Variants in GOLGA8J observed in about 807,000 individuals in gnomAD.
GOLGA8J encodes golgin subfamily A member 8J.
Under a neutral mutation model 67.7 loss-of-function variants are expected in GOLGA8J, and 19 were observed. That is an observed-to-expected ratio of 0.28 (90% CI 0.20 to 0.41). The LOEUF (loss-of-function observed/expected upper bound fraction) is 0.41. Ranked by LOEUF, GOLGA8J falls within the 10% of genes least tolerant of loss-of-function variation. GOLGA8J has a pLI of 1.00. For synonymous variants in GOLGA8J, 69 were observed against 215.9 expected, an observed-to-expected ratio of 0.32 and a Z score of 5.97; for missense variants, 205 against 584.3, an observed-to-expected ratio of 0.35 and a Z score of 6.69.
In GOLGA8J at chr15:30,094,575, A is replaced by G. The variant is rs1191194974; in HGVS notation, c.*1076A>G. 1.6e-5 allele frequency among the ~76,000 whole-genome samples: 2 copies of G among 126,840 alleles called. No individual in the cohort carries two copies. The highest frequency in any genetic ancestry group is 3.0e-5 in the Non-Finnish European group (2 of 66,110). The allele number at this position is 126,840 out of a possible 152,430, so 83.2% of individuals were successfully genotyped here. A position where few individuals can be genotyped will look rare whatever the true frequency, so the allele number is the denominator to read the frequency against. The stretch of plus-strand genomic sequence containing the variant: ...GCATACAGGCTCTAGTCAAGAATGA[A>G]TTAGAGTGAAGGAAAGCTGTGTGAC... On this transcript the variant is annotated 3_prime_UTR_variant, in exon 19 of 19. Transcript: ENST00000567927.
chr15:30,090,686 C>CA (rs71270989), intron 13 of GOLGA8J, among the ~76,000 whole-genome samples: 3,787 of 59,364 alleles, frequency 0.064, 176 homozygotes, highest in Non-Finnish European at 0.077. Flanking sequence ...ACTAAAATTA[C>CA]AAAAAAAAAA....
rs2057372719 is a variant in GOLGA8J at position 30,089,434 on chromosome 15, A to C, written c.874+111A>C. ...GATGGAAGGGCTTTGAGGCAGAGGG[A>C]AAGAGATCTGTGCCAGGAGACGGCG... is the stretch of plus-strand genomic sequence containing the variant. On this transcript the variant is annotated intron_variant, in intron 11 of 18. Transcript: ENST00000567927. 1.4e-5 allele frequency: 8 copies of C among 567,004 alleles called. No individual in the cohort carries two copies. The South Asian group carries it at 1.6e-4, about 12-fold the overall frequency. The allele number at this position is 567,004 out of a possible 1,614,324, so 35.1% of individuals were successfully genotyped here.
At chr15:30,090,170 C>G in intron 12 of GOLGA8J, 42 bp from the exon 13 acceptor site, 1 of 989,912 alleles carries the variant, frequency 1.0e-6, no homozygotes, top group Admixed American at 2.1e-5. Flanking sequence ...TCTGGGGTCT[C>G]CAGCTGCAGT....
chr15:30,089,991 C>T (rs1459075493), intron 12 of GOLGA8J, 35 bp downstream of exon 12: 5 of 1,464,876 alleles, frequency 3.4e-6, no homozygotes, highest in Non-Finnish European at 4.5e-6. Context: ...TGCCCTCCTC[C>T]CTAGACCTCC....
intron 11 of GOLGA8J, among the ~76,000 whole-genome samples, 152 bp downstream of exon 11, chr15:30,089,475 A>G (rs1368095566): frequency 1.5e-5 from 2 of 132,522 alleles, no homozygotes; most frequent in African/African-American, 6.7e-5. Flanking sequence ...TGTCATCTCA[A>G]TGAGTCTCAG....
chr15:30,088,054 T>TGTGTGTGTGC (rs2057354893), intron 8 of GOLGA8J: 1 of 194,244 alleles, frequency 5.1e-6, no homozygotes, highest in African/African-American at 4.5e-5. Context: ...CGTGTGTGCG[T>TGTGTGTGTGC]GTGTGTGTGT....
chr15:30,090,454 G>T (rs1036753470), intron 13 of GOLGA8J, among the ~76,000 whole-genome samples, 174 bp downstream of exon 13: 1 of 148,404 alleles, frequency 6.7e-6, no homozygotes. Context: ...GACTTTTAAA[G>T]GTGGGTAGCC....
rs371047363 is a variant in GOLGA8J at position 30,084,952 on chromosome 15, G to C, written c.168+62G>C. 5.4e-6 allele frequency: 8 copies of C among 1,488,496 alleles called. No individual in the cohort carries two copies. The East Asian group carries it at 9.4e-5, about 17-fold the overall frequency. The allele number at this position is 1,488,496 out of a possible 1,614,324, so 92.2% of individuals were successfully genotyped here. On this transcript the variant is annotated intron_variant, in intron 2 of 18. Coordinates refer to ENST00000567927, the MANE Select transcript of GOLGA8J (RefSeq NM_001282472.2). ...GCCCAAGGGGCAGTAGAGGGTAATTGTTAAGATTGTGGATGGACTGCTGGG... is the reference window on the plus strand; with the variant it reads ...GCCCAAGGGGCAGTAGAGGGTAATTCTTAAGATTGTGGATGGACTGCTGGG...
intron 11 of GOLGA8J, among the ~76,000 whole-genome samples, 153 bp from the exon 12 acceptor site, chr15:30,089,547 T>C (rs1158881361): frequency 1.5e-5 from 2 of 137,340 alleles, no homozygotes; most frequent in African/African-American, 3.1e-5. Flanking sequence ...GCTCTTTCTC[T>C]GAAAGTGCTT....
chr15:30,090,430 T>G lies in GOLGA8J; in HGVS notation c.1200+150T>G, dbSNP rs1486310607. 45 of 1,509,860 alleles carry G rather than the reference T, an allele frequency of 3.0e-5. 5 individuals are homozygous for G. The highest frequency in any genetic ancestry group is 3.8e-5 in the Non-Finnish European group (43 of 1,127,736). 93.5% of individuals were successfully genotyped at this position (1,509,860 alleles called of 1,614,324 possible). A position where few individuals can be genotyped will look rare whatever the true frequency, so the allele number is the denominator to read the frequency against. On this transcript the variant is annotated intron_variant, in intron 13 of 18. Transcript: ENST00000567927. ...CCAGGGCAGTCCTGTGACTGTTTCT[T>G]GCTTCCTGCCTCTGACTTTTAAAGG... is the stretch of plus-strand genomic sequence containing the variant.
chr15:30,096,403 T>TA lies in GOLGA8J; in HGVS notation c.*2910dup, dbSNP rs1420993729. On this transcript the variant is annotated 3_prime_UTR_variant, in exon 19 of 19. Coordinates refer to ENST00000567927, the MANE Select transcript of GOLGA8J (RefSeq NM_001282472.2). ...AGTCATTTTAAAATAATATAACTAT[T>TA]AAAAAATGTAACTGCTATCTTAATG... Among the ~76,000 whole-genome samples the TA allele has an allele frequency of 6.7e-6, 1 of 150,140 alleles. No homozygotes were observed. The highest frequency in any genetic ancestry group is 1.5e-5 in the Non-Finnish European group (1 of 67,844).
chr15:30,095,935 CTT>C lies in GOLGA8J; in HGVS notation c.*2438_*2439del, dbSNP rs2057462604. Among the ~76,000 whole-genome samples, 1 of 121,082 alleles carries C rather than the reference CTT, an allele frequency of 8.3e-6. No individual in the cohort carries two copies. Among genetic ancestry groups the C allele is most frequent in the South Asian group, 2.4e-4 (1 of 4,092 alleles). The allele number at this position is 121,082 out of a possible 152,430, so 79.4% of individuals were successfully genotyped here. A position where few individuals can be genotyped will look rare whatever the true frequency, so the allele number is the denominator to read the frequency against. On this transcript the variant is annotated 3_prime_UTR_variant, in exon 19 of 19. Coordinates refer to ENST00000567927, the MANE Select transcript of GOLGA8J (RefSeq NM_001282472.2). ...TTACTATATTGACTGAAATACCACT[CTT>C]TGTGTAGGTATTTGTCATATATTTA...
At position 30,093,275 on chromosome 15, in the gene GOLGA8J, A is replaced by G. The variant is rs1382888937; in HGVS notation, c.1723+36A>G. 2.6e-5 allele frequency: 41 copies of G among 1,571,194 alleles called. 1 individual carries two copies. Among genetic ancestry groups the G allele is most frequent in the African/African-American group, 4.4e-5 (3 of 68,084 alleles). ...CCCTCAGGTGGGGTGGGCAGGCAGG[A>G]AGAGGGGGCTCCCACTGTGCTCAGA... is the stretch of plus-strand genomic sequence containing the variant. On this transcript the variant is annotated intron_variant, in intron 18 of 18. Transcript: ENST00000567927.
chr15:30,091,990 C>T (rs2057409690), intron 14 of GOLGA8J, 52 bp from the exon 15 acceptor site: 1 of 1,590,466 alleles, frequency 6.3e-7, no homozygotes, highest in Non-Finnish European at 8.6e-7. Context: ...GGTGGGCCCA[C>T]AGTACCTCCC....
rs2057380655 is a variant in GOLGA8J at position 30,089,969 on chromosome 15, A to C, written c.1131+13A>C. On this transcript the variant is annotated intron_variant, in intron 12 of 18. Transcript: ENST00000567927. ...CTTCAAGGAGCCGGTGCGTTGCCCA[A>C]ACTGGGGAGCTTGCCCTCCTCCCTA... is the stretch of plus-strand genomic sequence containing the variant. 1.3e-6 allele frequency: 2 copies of C among 1,521,292 alleles called. No homozygotes were observed. Among genetic ancestry groups the C allele is most frequent in the South Asian group, 1.2e-5 (1 of 83,420 alleles). 94.2% of individuals were successfully genotyped at this position (1,521,292 alleles called of 1,614,324 possible).
At chr15:30,088,574 G>A (rs4293355) in intron 8 of GOLGA8J, among the ~76,000 whole-genome samples, 166 bp from the exon 9 acceptor site, 27 of 147,864 alleles carry the variant, frequency 1.8e-4, no homozygotes, top group East Asian at 4.0e-4. Flanking sequence ...TTCCCTGTCC[G>A]TTCCAACTTT....
Position 30,090,027 on chromosome 15 carries a change from A to G in GOLGA8J, c.1131+71A>G. The G allele has an allele frequency of 1.4e-6, 2 of 1,415,586 alleles. 1 individual carries two copies. The highest frequency in any genetic ancestry group is 1.9e-6 in the Non-Finnish European group (2 of 1,079,020). 87.7% of individuals were successfully genotyped at this position (1,415,586 alleles called of 1,614,324 possible). A position where few individuals can be genotyped will look rare whatever the true frequency, so the allele number is the denominator to read the frequency against. ...GGGCCTTTGTTTCCCCACCTCTAAA[A>G]TGGGGCAGTGTAGCCCTCACATGAA... On this transcript the variant is annotated intron_variant, in intron 12 of 18. Coordinates refer to ENST00000567927, the MANE Select transcript of GOLGA8J (RefSeq NM_001282472.2).
rs1437196860 is a variant in GOLGA8J at position 30,096,379 on chromosome 15, G to C, written c.*2880G>C. On this transcript the variant is annotated 3_prime_UTR_variant, in exon 19 of 19. Coordinates refer to ENST00000567927, the MANE Select transcript of GOLGA8J (RefSeq NM_001282472.2). ...TTTCTCTAAAACTTTATTTTAAAGA[G>C]TCATTTTAAAATAATATAACTATTA... 4.7e-5 allele frequency among the ~76,000 whole-genome samples: 7 copies of C among 149,722 alleles called. No individual in the cohort carries two copies. The highest frequency in any genetic ancestry group is 1.8e-4 in the African/African-American group (7 of 39,932).
In GOLGA8J at chr15:30,089,884, G is replaced by A; in HGVS notation, c.1059G>A (p.Gln353=). 1 of 1,529,506 alleles carries A rather than the reference G, an allele frequency of 6.5e-7. No individual in the cohort carries two copies. Among genetic ancestry groups the A allele is most frequent in the Non-Finnish European group, 8.7e-7 (1 of 1,146,222 alleles). The allele number at this position is 1,529,506 out of a possible 1,614,324, so 94.7% of individuals were successfully genotyped here. Residue 353 remains glutamine (Q), a synonymous_variant, in exon 12 of 19, where the codon CAG becomes CAA. Transcript: ENST00000567927. The part of the protein sequence containing the change: ...IREQEERLRK[Q]EERIQEQHKS... ...AGCAGGAAGAGAGGCTTCGGAAGCA[G>A]GAGGAGAGGATTCAGGAGCAGCACA...
Sources: gnomAD v4.1 joint callset for allele counts (sites outside exome capture counted in the v4.1 genomes callset) on GRCh38, gnomAD v4.1.1 for gene constraint, MANE v1.5 for transcripts, NCBI Gene and HGNC (gene_info 2026-07-23, HGNC 2026-07-21) for gene names.